PJA2: variants seen among roughly 807,000 people sequenced by gnomAD.
The protein encoded by PJA2 is E3 ubiquitin-protein ligase Praja-2.
A neutral mutation model predicts 69.3 loss-of-function variants in PJA2; 25 were observed. The observed-to-expected ratio is 0.36, with a 90% CI of 0.26 to 0.50. The LOEUF (loss-of-function observed/expected upper bound fraction) is 0.50. PJA2 is among the 20% of genes least tolerant of loss of function. The probability of loss-of-function intolerance (pLI) is 0.96; values close to 1 mark genes in which losing one functional copy is unlikely to be tolerated. For missense variants in PJA2, 809 were observed against 830.2 expected (o/e 0.97, Z 0.31); for synonymous variants, 308 against 277.8 (o/e 1.11, Z -1.08).
rs1357168221 is a variant in PJA2 at position 109,337,311 on chromosome 5, T to A, written c.2047A>T (p.Ile683Phe). ...GAGGAAGGAGCTGCAGATGCTTCAA[T>A]AACCGCAGGTGGGAAATGACGGCGG... is the stretch of plus-strand genomic sequence containing the variant. ...VCRRHFPPAVIEASAAPSSEP... is the reference protein window; with the variant it reads ...VCRRHFPPAVFEASAAPSSEP... The change falls in exon 10 of 10, where the codon ATT becomes TTT. Residue 683 changes from isoleucine (I) to phenylalanine (F), a missense_variant. Ile to Phe is a conservative substitution (Grantham distance 21). Coordinates refer to ENST00000361189, the MANE Select transcript of PJA2 (RefSeq NM_014819.5). 6.2e-7 allele frequency: 1 copy of A among 1,612,956 alleles called. No homozygotes were observed. Among genetic ancestry groups the A allele is most frequent in the African/African-American group, 1.3e-5 (1 of 74,686 alleles).
At chr5:109,354,423 T>C (rs1762366097) in intron 7 of PJA2, among the ~76,000 whole-genome samples, 1 of 142,886 alleles carries the variant, frequency 7.0e-6, no homozygotes, top group African/African-American at 2.7e-5. Context: ...ATTAGATATC[T>C]ATGATATCTA....
chr5:109,381,789 T>C (rs889445208), intron 2 of PJA2, 86 bp from the exon 3 acceptor site: 10 of 1,071,574 alleles, frequency 9.3e-6, no homozygotes, highest in Non-Finnish European at 1.4e-5. Context: ...TCAGTTTATA[T>C]TTTATTATTT....
intron 9 of PJA2, among the ~76,000 whole-genome samples, chr5:109,342,443 C>A (rs1762087631): frequency 7.2e-6 from 1 of 139,256 alleles, no homozygotes; most frequent in African/African-American, 2.7e-5. Context: ...CGGCCCCCCG[C>A]CCGGCCAGCC....
chr5:109,355,881 A>C, intron 7 of PJA2, 34 bp downstream of exon 7: 1 of 1,432,700 alleles, frequency 7.0e-7, no homozygotes. Context: ...GTATCCCATC[A>C]ACTTATATAT....
chr5:109,403,834 G>A (rs1747619738), intron 1 of PJA2, among the ~76,000 whole-genome samples: 2 of 152,030 alleles, frequency 1.3e-5, no homozygotes, highest in Admixed American at 1.3e-4. Flanking sequence ...CACTTTGGGG[G>A]GCCAAGGCGG....
At chr5:109,409,465 A>C (rs990355792) in intron 1 of PJA2, 9 of 153,098 alleles carry the variant, frequency 5.9e-5, no homozygotes, top group African/African-American at 2.2e-4. Context: ...ACTCTTGTAC[A>C]GTGGCGAGTG....
chr5:109,393,382 T>TA (rs1267566840), intron 1 of PJA2, among the ~76,000 whole-genome samples: 8 of 152,226 alleles, frequency 5.3e-5, no homozygotes, highest in African/African-American at 1.7e-4. Context: ...ATTACAGCTG[T>TA]AAATATACAT....
intron 1 of PJA2, among the ~76,000 whole-genome samples, chr5:109,404,156 G>T (rs907657135): frequency 6.6e-6 from 1 of 151,900 alleles, no homozygotes; most frequent in Non-Finnish European, 1.5e-5. Context: ...ATGATAAAAG[G>T]CCACTTGTCT....
intron 9 of PJA2, among the ~76,000 whole-genome samples, chr5:109,342,305 C>A (rs1762083254): frequency 3.3e-5 from 4 of 119,796 alleles, no homozygotes; most frequent in Admixed American, 1.5e-4. Flanking sequence ...GCCCGGCCAG[C>A]CGCCCTGTCC....
chr5:109,364,129 C>G (rs777238268), intron 5 of PJA2, among the ~76,000 whole-genome samples: 3 of 151,986 alleles, frequency 2.0e-5, no homozygotes, highest in African/African-American at 4.8e-5. Flanking sequence ...GGCAACAAAG[C>G]GAGACTGTGT....
At chr5:109,390,335 T>G (rs1747253697) in intron 1 of PJA2, among the ~76,000 whole-genome samples, 1 of 152,042 alleles carries the variant, frequency 6.6e-6, no homozygotes, top group Admixed American at 6.6e-5. Flanking sequence ...TCATGATTTT[T>G]TTTTCTCTTA....
chr5:109,337,979 CA>C (rs1309684862), intron 9 of PJA2, among the ~76,000 whole-genome samples: 2 of 152,020 alleles, frequency 1.3e-5, no homozygotes, highest in Non-Finnish European at 2.9e-5. Flanking sequence ...TTCTAAATGA[CA>C]AAACAATCAA....
At chr5:109,392,932 GAGTAA>G (rs1351738317) in intron 1 of PJA2, among the ~76,000 whole-genome samples, 1 of 90,398 alleles carries the variant, frequency 1.1e-5, no homozygotes, top group Non-Finnish European at 2.3e-5. Context: ...TACAATGTTG[GAGTAA>G]AGAAAGATTT....
At chr5:109,388,623 C>T (rs1747215352) in intron 1 of PJA2, among the ~76,000 whole-genome samples, 1 of 152,156 alleles carries the variant, frequency 6.6e-6, no homozygotes, top group African/African-American at 2.4e-5. Context: ...ACCCTTATGA[C>T]TCATCTGCTG....
intron 3 of PJA2, 52 bp from the exon 4 acceptor site, chr5:109,379,306 T>G (rs945590481): frequency 2.4e-6 from 3 of 1,268,708 alleles, no homozygotes; most frequent in Non-Finnish European, 3.2e-6. Context: ...TTAGATAAAA[T>G]TTTATGTAAT....
intron 1 of PJA2, among the ~76,000 whole-genome samples, chr5:109,384,630 A>C (rs1404353254): frequency 6.6e-6 from 1 of 152,216 alleles, no homozygotes; most frequent in Non-Finnish European, 1.5e-5. Context: ...ACAGACAGAT[A>C]TATATTAACA....
intron 4 of PJA2, among the ~76,000 whole-genome samples, chr5:109,369,611 A>AT (rs1420948199): frequency 6.6e-6 from 1 of 152,256 alleles, no homozygotes; most frequent in Non-Finnish European, 1.5e-5. Flanking sequence ...TTACCATGTA[A>AT]TAAAAAGTTA....
chr5:109,403,154 A>G (rs1277391573), intron 1 of PJA2, among the ~76,000 whole-genome samples: 1 of 152,172 alleles, frequency 6.6e-6, no homozygotes, highest in Non-Finnish European at 1.5e-5. Context: ...GCTAATAACA[A>G]GAATGAAAGG....
At chr5:109,382,002 T>G (rs988581540) in intron 2 of PJA2, among the ~76,000 whole-genome samples, 5 of 152,136 alleles carry the variant, frequency 3.3e-5, no homozygotes, top group Non-Finnish European at 5.9e-5. Flanking sequence ...ATTTTTCATA[T>G]GCCAAATTAT....
Sources: gnomAD v4.1 joint callset for allele counts (sites outside exome capture counted in the v4.1 genomes callset) on GRCh38, gnomAD v4.1.1 for gene constraint, MANE v1.5 for transcripts, NCBI Gene and HGNC (gene_info 2026-07-23, HGNC 2026-07-21) for gene names.